Variants in LINC00305 observed in about 807,000 individuals in gnomAD.
LINC00305 encodes the protein long independently transcribed non-coding RNA 305.
chr18:64,082,258 C>T (rs1485854889), intron 3 of LINC00305, among the ~76,000 whole-genome samples: 2 of 151,926 alleles, frequency 1.3e-5, no homozygotes, highest in African/African-American at 2.4e-5. Context: ...ACCACCTAGA[C>T]TGGTAATCTG....
At chr18:64,136,508 C>T (rs184071208) in intron 1 of LINC00305, among the ~76,000 whole-genome samples, 2 of 152,268 alleles carry the variant, frequency 1.3e-5, no homozygotes, top group East Asian at 1.9e-4. Context: ...AACTCACTCA[C>T]TATCGTGAGA....
rs34175314 is a variant in LINC00305 at position 64,141,052 on chromosome 18, T to TAAA, written n.314+7720_314+7722dup. ...TTCTGCCGATAATCAGCCTGAATGA[T>TAAA]AAAAAAAAAAAAAAAAAAAAAAAAA... On this transcript the variant is annotated intron_variant and non_coding_transcript_variant, in intron 1 of 3. Coordinates refer to ENST00000666468, the Ensembl canonical transcript of LINC00305. Among the ~76,000 whole-genome samples the TAAA allele has an allele frequency of 1.0e-3, 100 of 96,254 alleles. 1 individual carries two copies. Among genetic ancestry groups the TAAA allele is most frequent in the East Asian group, 4.8e-3 (14 of 2,920 alleles). 63.1% of individuals were successfully genotyped at this position (96,254 alleles called of 152,430 possible).
At chr18:64,096,649 C>A (rs2051246325) in intron 3 of LINC00305, among the ~76,000 whole-genome samples, 1 of 151,750 alleles carries the variant, frequency 6.6e-6, no homozygotes, top group Non-Finnish European at 1.5e-5. Context: ...ATGAATTACA[C>A]CACCAACTAT....
rs545336734 is a variant in LINC00305, at chr18:64,119,549, T to A, written n.315-20909A>T. Reference sequence around the variant, plus strand: ...GGTGTTTTTACTAAAGAAGGTCTCATAACTGCTAGAACTTCAGTTATTATA... The same window carrying A: ...GGTGTTTTTACTAAAGAAGGTCTCAAAACTGCTAGAACTTCAGTTATTATA... On this transcript the variant is annotated intron_variant and non_coding_transcript_variant, in intron 1 of 3. Transcript: ENST00000666468. Among the ~76,000 whole-genome samples, 111 of 152,288 alleles carry A rather than the reference T, an allele frequency of 7.3e-4. 1 individual carries two copies. Among genetic ancestry groups the A allele is most frequent in the Admixed American group, 1.2e-3 (19 of 15,286 alleles).
At chr18:64,088,605 C>T (rs921087201) in intron 3 of LINC00305, among the ~76,000 whole-genome samples, 6 of 152,176 alleles carry the variant, frequency 3.9e-5, no homozygotes, top group African/African-American at 1.4e-4. Flanking sequence ...TCTAAAATAC[C>T]ATATTGTAAT....
intron 1 of LINC00305, among the ~76,000 whole-genome samples, chr18:64,132,682 G>A (rs2051415293): frequency 6.6e-6 from 1 of 152,180 alleles, no homozygotes; most frequent in Non-Finnish European, 1.5e-5. Context: ...TTTAGCCACA[G>A]CTCCATGATT....
chr18:64,132,516 C>T (rs762722760), intron 1 of LINC00305, among the ~76,000 whole-genome samples: 11 of 152,304 alleles, frequency 7.2e-5, no homozygotes, highest in Non-Finnish European at 1.5e-4. Context: ...CACTCCCCCC[C>T]CGAGTAACTC....
At chr18:64,103,047 C>T (rs2051274064) in intron 1 of LINC00305, among the ~76,000 whole-genome samples, 1 of 152,198 alleles carries the variant, frequency 6.6e-6, no homozygotes. Context: ...TGATTCCTAA[C>T]ACCTGAAGCA....
intron 1 of LINC00305, among the ~76,000 whole-genome samples, chr18:64,102,116 A>G (rs1332415034): frequency 1.3e-5 from 2 of 152,152 alleles, no homozygotes; most frequent in African/African-American, 4.8e-5. Context: ...TCATATCAGT[A>G]ATATTTGAAA....
chr18:64,085,611 C>T, intron 3 of LINC00305, among the ~76,000 whole-genome samples: 1 of 152,098 alleles, frequency 6.6e-6, no homozygotes. Flanking sequence ...TACAGGTGCA[C>T]AACTATGCCC....
chr18:64,139,154 T>G lies in LINC00305; in HGVS notation n.314+9621A>C, dbSNP rs1010932443. On this transcript the variant is annotated intron_variant and non_coding_transcript_variant, in intron 1 of 3. Coordinates refer to ENST00000666468, the Ensembl canonical transcript of LINC00305. ...AAATTCCAAATCAAGTCTGAAATAC[T>G]TTTTAGCAAACAGCTCAATTCTTAA... 1.1e-4 allele frequency among the ~76,000 whole-genome samples: 17 copies of G among 152,246 alleles called. No homozygotes were observed. In the East Asian group the frequency reaches 1.7e-3, roughly 15 times the overall value.
At chr18:64,122,100 G>A (rs1217437767) in intron 1 of LINC00305, among the ~76,000 whole-genome samples, 2 of 152,010 alleles carry the variant, frequency 1.3e-5, no homozygotes, top group Non-Finnish European at 2.9e-5. Context: ...TCTGTCAGAT[G>A]AATAGTTCGC....
intron 1 of LINC00305, among the ~76,000 whole-genome samples, chr18:64,112,605 C>A (rs1032969260): frequency 1.3e-5 from 2 of 152,110 alleles, no homozygotes; most frequent in Non-Finnish European, 2.9e-5. Flanking sequence ...TCTATACTTA[C>A]GGATTGGCCA....
chr18:64,134,240 G>A (rs1381312282), intron 1 of LINC00305, among the ~76,000 whole-genome samples: 2 of 152,072 alleles, frequency 1.3e-5, no homozygotes, highest in African/African-American at 2.4e-5. Flanking sequence ...AAGAATAGCA[G>A]GAAAACAAGG....
At chr18:64,109,196 T>C (rs2051304616) in intron 1 of LINC00305, among the ~76,000 whole-genome samples, 2 of 152,322 alleles carry the variant, frequency 1.3e-5, no homozygotes, top group Non-Finnish European at 2.9e-5. Flanking sequence ...TAACAGGGTC[T>C]TGAAACAGGG....
intron 3 of LINC00305, among the ~76,000 whole-genome samples, chr18:64,087,684 C>G (rs1353959906): frequency 6.6e-6 from 1 of 152,020 alleles, no homozygotes; most frequent in Non-Finnish European, 1.5e-5. Flanking sequence ...TTGCTTTTGT[C>G]TTTAAGGACC....
intron 1 of LINC00305, among the ~76,000 whole-genome samples, chr18:64,133,669 A>G (rs1423545372): frequency 6.6e-6 from 1 of 152,148 alleles, no homozygotes; most frequent in African/African-American, 2.4e-5. Flanking sequence ...TTCTAGAGCC[A>G]GTGATGTTTT....
At chr18:64,085,269 A>G (rs2051199065) in intron 3 of LINC00305, among the ~76,000 whole-genome samples, 2 of 152,170 alleles carry the variant, frequency 1.3e-5, no homozygotes, top group African/African-American at 4.8e-5. Flanking sequence ...ATTCTTATGT[A>G]CCTGCTTGAA....
intron 1 of LINC00305, among the ~76,000 whole-genome samples, chr18:64,140,449 T>C (rs960156667): frequency 7.9e-5 from 12 of 152,126 alleles, no homozygotes; most frequent in African/African-American, 2.9e-4. Flanking sequence ...CCTCAGGTGA[T>C]CCACCAGCAT....
Sources: allele counts gnomAD v4.1 joint callset (sites outside exome capture counted in the v4.1 genomes callset), GRCh38; gene constraint gnomAD v4.1.1; transcripts MANE v1.5; gene names NCBI Gene and HGNC (gene_info 2026-07-23, HGNC 2026-07-21).